LDLRAD3: variants seen among roughly 807,000 people sequenced by gnomAD.
LDLRAD3 encodes the protein low-density lipoprotein receptor class A domain-containing protein 3.
A neutral mutation model predicts 29.4 loss-of-function variants in LDLRAD3; 20 were observed. That is an observed-to-expected ratio of 0.68 (90% CI 0.48 to 0.99). The LOEUF (loss-of-function observed/expected upper bound fraction) is 0.99. LDLRAD3 is among the 50% of genes least tolerant of loss of function. LDLRAD3 has a pLI of 0.00. For synonymous variants in LDLRAD3, 157 were observed against 192.7 expected, an observed-to-expected ratio of 0.81 and a Z score of 1.53; for missense variants, 420 against 454.3, an observed-to-expected ratio of 0.92 and a Z score of 0.69.
intron 4 of LDLRAD3, among the ~76,000 whole-genome samples, chr11:36,216,536 A>T (rs768253579): frequency 1.1e-4 from 16 of 152,162 alleles, no homozygotes; most frequent in Non-Finnish European, 2.2e-4. Context: ...AAATAACCCT[A>T]GGGGGTGGGT....
chr11:36,080,254 T>G (rs78291895), intron 2 of LDLRAD3, among the ~76,000 whole-genome samples: 204 of 152,250 alleles, frequency 1.3e-3, no homozygotes, highest in African/African-American at 4.8e-3. Flanking sequence ...TCATCTTACA[T>G]CTCCTAATCG....
intron 1 of LDLRAD3, among the ~76,000 whole-genome samples, chr11:36,005,105 A>T (rs762376282): frequency 6.6e-6 from 1 of 152,226 alleles, no homozygotes; most frequent in Non-Finnish European, 1.5e-5. Context: ...TACTTATGCA[A>T]ACTTCTGCAG....
intron 2 of LDLRAD3, among the ~76,000 whole-genome samples, chr11:36,045,516 C>T (rs118023145): frequency 3.3e-5 from 5 of 152,270 alleles, no homozygotes; most frequent in Non-Finnish European, 7.4e-5. Flanking sequence ...GTCCTCACTT[C>T]TACTGATTTG....
intron 4 of LDLRAD3, among the ~76,000 whole-genome samples, chr11:36,221,484 T>C (rs12575304): frequency 0.067 from 10,227 of 151,716 alleles, 451 homozygotes; most frequent in East Asian, 0.2. Context: ...AAGAAGCACC[T>C]ACAGGGAGAG....
chr11:36,109,750 A>G (rs901616571), intron 4 of LDLRAD3, among the ~76,000 whole-genome samples: 10 of 84,908 alleles, frequency 1.2e-4, no homozygotes, highest in African/African-American at 3.7e-4. Flanking sequence ...AAAAAGCTTT[A>G]TATTTAAAAA....
intron 1 of LDLRAD3, among the ~76,000 whole-genome samples, chr11:36,018,999 G>T (rs1296165656): frequency 6.6e-6 from 1 of 152,088 alleles, no homozygotes; most frequent in Non-Finnish European, 1.5e-5. Flanking sequence ...AAATCTCGAT[G>T]GGCATTTCTG....
chr11:36,084,747 T>C (rs1466828868), intron 3 of LDLRAD3, among the ~76,000 whole-genome samples: 3 of 152,104 alleles, frequency 2.0e-5, no homozygotes, highest in Non-Finnish European at 4.4e-5. Context: ...AGGTAAAAAA[T>C]TGATGGGGCC....
intron 1 of LDLRAD3, among the ~76,000 whole-genome samples, chr11:35,990,631 G>T (rs1342867107): frequency 2.0e-5 from 3 of 151,694 alleles, no homozygotes; most frequent in African/African-American, 7.3e-5. Context: ...GCCCAGGCTG[G>T]TCTCGAACTC....
chr11:36,133,664 G>A (rs906962188), intron 4 of LDLRAD3, among the ~76,000 whole-genome samples: 4 of 150,416 alleles, frequency 2.7e-5, no homozygotes, highest in African/African-American at 9.8e-5. Context: ...CTCCCGAGTA[G>A]CTGGGACCAC....
intron 4 of LDLRAD3, among the ~76,000 whole-genome samples, chr11:36,135,181 C>T (rs1051627731): frequency 6.6e-5 from 10 of 152,292 alleles, no homozygotes; most frequent in South Asian, 6.2e-4. Flanking sequence ...TTTAAACACA[C>T]GGTTTAATAA....
intron 1 of LDLRAD3, among the ~76,000 whole-genome samples, chr11:35,964,491 G>T (rs995813045): frequency 2.0e-5 from 3 of 152,170 alleles, no homozygotes; most frequent in Admixed American, 6.5e-5. Context: ...TTGGGACATA[G>T]GCACTGGGAA....
intron 1 of LDLRAD3, among the ~76,000 whole-genome samples, chr11:36,027,306 C>T (rs1443510781): frequency 6.6e-6 from 1 of 152,196 alleles, no homozygotes; most frequent in East Asian, 1.9e-4. Context: ...AGTACCTGTT[C>T]ATGGGCTTTG....
chr11:36,074,200 G>A (rs1229605578), intron 2 of LDLRAD3, among the ~76,000 whole-genome samples: 1 of 152,184 alleles, frequency 6.6e-6, no homozygotes, highest in Non-Finnish European at 1.5e-5. Flanking sequence ...AATGGTAAAT[G>A]AAAGTATGCA....
At chr11:35,960,465 C>T (rs1851262401) in intron 1 of LDLRAD3, among the ~76,000 whole-genome samples, 2 of 152,180 alleles carry the variant, frequency 1.3e-5, no homozygotes, top group African/African-American at 4.8e-5. Context: ...TAAAATGGTC[C>T]TGCCCATTTA....
chr11:36,044,451 A>G (rs565762088), intron 2 of LDLRAD3, among the ~76,000 whole-genome samples: 2 of 152,244 alleles, frequency 1.3e-5, no homozygotes, highest in South Asian at 4.2e-4. Context: ...AAACACATGT[A>G]TACTGGTGAC....
chr11:36,017,296 G>A (rs572641191), intron 1 of LDLRAD3, among the ~76,000 whole-genome samples: 4 of 152,274 alleles, frequency 2.6e-5, no homozygotes, highest in African/African-American at 9.6e-5. Context: ...GCATTTTTCT[G>A]CCAAAGCTTT....
intron 1 of LDLRAD3, chr11:35,997,313 GC>G: frequency 2.3e-6 from 1 of 427,538 alleles, no homozygotes; most frequent in Admixed American, 2.5e-5. Context: ...GAGTTCTCTG[GC>G]TAAAGATCAG....
chr11:36,222,315 C>G (rs758331369), intron 4 of LDLRAD3, among the ~76,000 whole-genome samples: 3 of 152,130 alleles, frequency 2.0e-5, no homozygotes, highest in African/African-American at 4.8e-5. Flanking sequence ...AGCTCCTGGA[C>G]TCAAGCCATC....
At chr11:36,026,551 C>A (rs562193732) in intron 1 of LDLRAD3, among the ~76,000 whole-genome samples, 1 of 152,208 alleles carries the variant, frequency 6.6e-6, no homozygotes, top group South Asian at 2.1e-4. Flanking sequence ...CATTCTAAGT[C>A]ACAGGATGAG....
Sources: gnomAD v4.1 joint callset for allele counts (sites outside exome capture counted in the v4.1 genomes callset) on GRCh38, gnomAD v4.1.1 for gene constraint, MANE v1.5 for transcripts, NCBI Gene and HGNC (gene_info 2026-07-23, HGNC 2026-07-21) for gene names.